ZNF614: variants seen among roughly 807,000 people sequenced by gnomAD.
ZNF614 encodes the protein zinc finger protein 614.
ZNF614 carries 11 observed loss-of-function variants against 12.8 expected under a neutral mutation model. The observed-to-expected ratio is 0.86, with a 90% CI of 0.54 to 1.43. ZNF614 has a LOEUF of 1.43. ZNF614 is among the 40% of genes most tolerant of loss of function. The pLI is 0.00. For synonymous variants in ZNF614, 237 were observed against 237.5 expected, an observed-to-expected ratio of 1.00 and a Z score of 0.02; for missense variants, 664 against 708.8, an observed-to-expected ratio of 0.94 and a Z score of 0.72.
chr19:52,015,196 A>T lies in ZNF614; in HGVS notation c.*644T>A, dbSNP rs1264289245. The T allele has an allele frequency of 6.6e-6, 1 of 152,246 alleles. No individual in the cohort carries two copies. The highest frequency in any genetic ancestry group is 1.5e-5 in the Non-Finnish European group (1 of 68,064). 9.4% of individuals were successfully genotyped at this position (152,246 alleles called of 1,614,324 possible). On this transcript the variant is annotated 3_prime_UTR_variant, in exon 5 of 5. Coordinates refer to ENST00000270649, the MANE Select transcript of ZNF614 (RefSeq NM_025040.4). ...TTTCACCACATTTCATGCCTTCATG[A>T]GCTGTTGATAGTTTGCTAAAGGTGT...
Position 52,017,190 on chromosome 19 carries a change from A to T in ZNF614, c.408T>A (p.Asn136Lys). The T allele has an allele frequency of 6.2e-7, 1 of 1,614,090 alleles. No homozygotes were observed. Among genetic ancestry groups the T allele is most frequent in the African/African-American group, 1.3e-5 (1 of 75,024 alleles). Residue 136 changes from asparagine to lysine, a missense_variant, in exon 5 of 5, where the codon AAT becomes AAA. Coordinates refer to ENST00000270649, the MANE Select transcript of ZNF614 (RefSeq NM_025040.4). ...TGATTAAACTTAAACTTGATTTCAA[A>T]TTTTTTCTGTACAAGTCAAATGTAT... is the stretch of plus-strand genomic sequence containing the variant. The part of the protein sequence containing the change: ...NHDTFDLYRK[N>K]LKSSLSLINQ...
chr19:52,024,767 A>C (rs570864543), intron 2 of ZNF614, among the ~76,000 whole-genome samples: 2 of 152,332 alleles, frequency 1.3e-5, no homozygotes, highest in South Asian at 4.1e-4. Flanking sequence ...CCAGGGACAC[A>C]ACACACTGCA....
In ZNF614 at chr19:52,017,355, G is replaced by C; in HGVS notation, c.243C>G (p.Ile81Met). 1.9e-6 allele frequency: 3 copies of C among 1,586,770 alleles called. No individual in the cohort carries two copies. In the African/African-American group the frequency reaches 4.1e-5, roughly 21 times the overall value. Reference sequence around the variant, plus strand: ...CTTGCAGATGACTGTCAACTTTCCCGATTCCTAAGAAAGAACAGAGTAACA... The same window carrying C: ...CTTGCAGATGACTGTCAACTTTCCCCATTCCTAAGAAAGAACAGAGTAACA... ...AKIQNKNCPG[I>M]GKVDSHLQEH... is the part of the protein sequence containing the mutation. Residue 81 changes from isoleucine to methionine, a missense_variant, in exon 5 of 5, where the codon ATC (isoleucine) becomes ATG (methionine). Physicochemically the swap from Ile to Met is conservative, Grantham distance 10. Transcript: ENST00000270649.
intron 2 of ZNF614, among the ~76,000 whole-genome samples, chr19:52,021,044 G>A (rs1422452658): frequency 6.6e-6 from 1 of 152,192 alleles, no homozygotes; most frequent in African/African-American, 2.4e-5. Context: ...CTTCCATCTT[G>A]CTAGCAGAAT....
chr19:52,015,957 G>A lies in ZNF614; in HGVS notation c.1641C>T (p.Ala547=), dbSNP rs778323349. Residue 547 remains alanine (A), a synonymous_variant, in exon 5 of 5, where the codon GCC becomes GCT. Transcript: ENST00000270649. ...TGACAAGGTTTGATAAGTGGGAGAAGGCTTTCTCACAATCACTGCATCCAT... is the reference window on the plus strand; with the variant it reads ...TGACAAGGTTTGATAAGTGGGAGAAAGCTTTCTCACAATCACTGCATCCAT... The part of the protein sequence containing the change: ...RPYGCSDCEK[A]FSHLSNLVKH... 10 of 1,614,066 alleles carry A rather than the reference G, an allele frequency of 6.2e-6. No homozygotes were observed. In the African/African-American group the frequency reaches 1.2e-4, roughly 19 times the overall value.
At chr19:52,026,605 A>G (rs1001054013) in intron 1 of ZNF614, among the ~76,000 whole-genome samples, 2 of 152,154 alleles carry the variant, frequency 1.3e-5, no homozygotes, top group African/African-American at 4.8e-5. Context: ...GAAAGACCTG[A>G]CCGTCCCCTA....
At position 52,027,139 on chromosome 19, in the gene ZNF614, C is replaced by A. The variant is rs139027159; in HGVS notation, c.-217+1103G>T. Among the ~76,000 whole-genome samples the A allele has an allele frequency of 2.9e-3, 437 of 152,308 alleles. 2 individuals are homozygous for A. Among genetic ancestry groups the A allele is most frequent in the African/African-American group, 0.01 (427 of 41,566 alleles). On this transcript the variant is annotated intron_variant, in intron 1 of 4. Coordinates refer to ENST00000270649, the MANE Select transcript of ZNF614 (RefSeq NM_025040.4). Reference sequence around the variant, plus strand: ...TCTCATCCCACCTGACAAGAAACACCCACAGGTTGTGGAGGGGTGGCCCCC... The same window carrying A: ...TCTCATCCCACCTGACAAGAAACACACACAGGTTGTGGAGGGGTGGCCCCC...
chr19:52,017,662 T>C (rs950893001), intron 4 of ZNF614: 32 of 363,976 alleles, frequency 8.8e-5, no homozygotes, highest in African/African-American at 3.2e-4. Context: ...GATTGGGCCA[T>C]TGCACTCCAG....
At chr19:52,023,070 C>A (rs1350453197) in intron 2 of ZNF614, among the ~76,000 whole-genome samples, 1 of 130,286 alleles carries the variant, frequency 7.7e-6, no homozygotes, top group Non-Finnish European at 1.6e-5. Context: ...CAGAGTGAGA[C>A]GCCATCTCAA....
intron 4 of ZNF614, chr19:52,017,765 C>A: frequency 2.6e-6 from 1 of 386,578 alleles, no homozygotes; most frequent in Non-Finnish European, 4.6e-6. Context: ...TTATTGTCAA[C>A]TCTACGATCC....
In ZNF614 at chr19:52,015,912, T is replaced by C. The variant is rs2086892966; in HGVS notation, c.1686A>G (p.Thr562=). Residue 562 remains threonine (T), a synonymous_variant, in exon 5 of 5, where the codon ACA becomes ACG. Transcript: ENST00000270649. The part of the protein sequence containing the change: ...SNLVKHKKMH[T]REMGRISQVE... ...CTTGACTGATTCTACCCATTTCTCT[T>C]GTGTGCATTTTCTTATGTTTGACAA... 9.3e-6 allele frequency: 15 copies of C among 1,614,054 alleles called. No homozygotes were observed. Among genetic ancestry groups the C allele is most frequent in the Non-Finnish European group, 1.2e-5 (14 of 1,180,014 alleles).
intron 1 of ZNF614, among the ~76,000 whole-genome samples, chr19:52,026,837 A>AAATGTTTGTGTGCGTGCACT (rs1437228791): frequency 2.6e-5 from 4 of 152,198 alleles, no homozygotes; most frequent in African/African-American, 9.6e-5. Context: ...TATTGTACCG[A>AAATGTTTGTGTGCGTGCACT]AATGTTTGTG....
At position 52,013,649 on chromosome 19, in the gene ZNF614, AATG is replaced by A. The variant is rs2086879801; in HGVS notation, c.*2188_*2190del. 4 of 152,352 alleles carry A rather than the reference AATG, an allele frequency of 2.6e-5. No homozygotes were observed. The South Asian group carries it at 8.3e-4, about 32-fold the overall frequency. 9.4% of individuals were successfully genotyped at this position (152,352 alleles called of 1,614,324 possible). On this transcript the variant is annotated 3_prime_UTR_variant, in exon 5 of 5. Transcript: ENST00000270649. ...AATTTTATTTTTATCATATTCATGA[AATG>A]ATGAAATTATACTGATAGGAGAAAA... is the stretch of plus-strand genomic sequence containing the variant.
chr19:52,021,589 A>G (rs1017816771), intron 2 of ZNF614, among the ~76,000 whole-genome samples: 43 of 152,194 alleles, frequency 2.8e-4, no homozygotes, highest in African/African-American at 1.0e-3. Flanking sequence ...ACAAAGAACA[A>G]AAAATTAGCT....
intron 2 of ZNF614, among the ~76,000 whole-genome samples, chr19:52,021,712 G>A (rs981112695): frequency 6.6e-6 from 1 of 150,974 alleles, no homozygotes; most frequent in South Asian, 2.1e-4. Context: ...TCCTGGGGAA[G>A]AGGGCGAGTC....
chr19:52,016,289 T>C lies in ZNF614; in HGVS notation c.1309A>G (p.Thr437Ala), dbSNP rs1435584287. ...TGTATAATAAGAGTGCGCTTTGTGGTGAAGCCTTTACCACATTCATTGCAT... is the reference window on the plus strand; with the variant it reads ...TGTATAATAAGAGTGCGCTTTGTGGCGAAGCCTTTACCACATTCATTGCAT... ...YICNECGKGF[T>A]TKRTLIIHQR... is the part of the protein sequence containing the mutation. Residue 437 changes from threonine (T) to alanine (A), a missense_variant, in exon 5 of 5, where the codon ACC (threonine) becomes GCC (alanine). Transcript: ENST00000270649. 6.2e-7 allele frequency: 1 copy of C among 1,614,230 alleles called. No individual in the cohort carries two copies. Among genetic ancestry groups the C allele is most frequent in the South Asian group, 1.1e-5 (1 of 91,072 alleles).
At chr19:52,018,915 A>G (rs1236544968) in intron 2 of ZNF614, among the ~76,000 whole-genome samples, 1 of 152,162 alleles carries the variant, frequency 6.6e-6, no homozygotes, top group Non-Finnish European at 1.5e-5. Context: ...GTAGCCCCAA[A>G]TGGAGTGCAG....
chr19:52,022,977 G>C (rs1241367761), intron 2 of ZNF614, among the ~76,000 whole-genome samples: 1 of 150,860 alleles, frequency 6.6e-6, no homozygotes, highest in Non-Finnish European at 1.5e-5. Context: ...CTACTCAGGA[G>C]GCTGAGGCAG....
chr19:52,015,850 G>A lies in ZNF614; in HGVS notation c.1748C>T (p.Pro583Leu), dbSNP rs147676609. ...NSCNGESQLL[P>L]YK ...TTCTTCTGCATGAGTTCACTTATAA[G>A]GAAGGAGCTGTGACTCTCCATTACA... The change falls in exon 5 of 5, where the codon CCT (proline) becomes CTT (leucine). Residue 583 changes from proline (P) to leucine (L), a missense_variant. Coordinates refer to ENST00000270649, the MANE Select transcript of ZNF614 (RefSeq NM_025040.4). 1.4e-4 allele frequency: 230 copies of A among 1,608,536 alleles called. 1 individual carries two copies. In the Middle Eastern group the frequency reaches 2.8e-3, roughly 20 times the overall value.
Sources: gnomAD v4.1 joint callset for allele counts (sites outside exome capture counted in the v4.1 genomes callset) on GRCh38, gnomAD v4.1.1 for gene constraint, MANE v1.5 for transcripts, NCBI Gene and HGNC (gene_info 2026-07-23, HGNC 2026-07-21) for gene names.